The following RANBP17 variants were observed in gnomAD, a reference collection of about 807,000 sequenced individuals.
RANBP17 encodes ran-binding protein 17.
RANBP17 carries 158 observed loss-of-function variants against 141.2 expected under a neutral mutation model. The observed-to-expected ratio is 1.12, with a 90% CI of 0.98 to 1.28. RANBP17 has a LOEUF of 1.28. Among genes scored for constraint, RANBP17 ranks in the 50% most tolerant of loss-of-function variants. The pLI, the probability that RANBP17 is intolerant of heterozygous loss-of-function variation, is 0.00. For synonymous variants in RANBP17, 430 were observed against 450.0 expected (o/e 0.96, Z 0.56); for missense variants, 1,438 against 1,290.7 (o/e 1.11, Z -1.75).
chr5:171,204,363 GAAATT>G (rs1202629968), intron 19 of RANBP17, among the ~76,000 whole-genome samples: 1 of 152,116 alleles, frequency 6.6e-6, no homozygotes, highest in Non-Finnish European at 1.5e-5. Context: ...TTGCTACTTT[GAAATT>G]AAATTAATTG....
intron 14 of RANBP17, among the ~76,000 whole-genome samples, chr5:171,151,535 A>G (rs1374752064): frequency 2.0e-5 from 3 of 152,236 alleles, no homozygotes; most frequent in African/African-American, 7.2e-5. Flanking sequence ...TAGGCTTAAT[A>G]AGTTCATGAA....
intron 14 of RANBP17, among the ~76,000 whole-genome samples, chr5:171,016,802 C>T (rs943856455): frequency 1.3e-5 from 2 of 151,498 alleles, no homozygotes; most frequent in African/African-American, 4.9e-5. Context: ...AAAAAAAAAG[C>T]GGGATACACG....
At chr5:171,274,149 T>TGTGCGCGCGC (rs34291143) in intron 25 of RANBP17, among the ~76,000 whole-genome samples, 6 of 126,790 alleles carry the variant, frequency 4.7e-5, no homozygotes, top group East Asian at 2.2e-4. Flanking sequence ...TGTGTGTGTG[T>TGTGCGCGCGC]GCGCGCGCGC....
At chr5:171,198,593 AC>A (rs1561755365) in intron 18 of RANBP17, among the ~76,000 whole-genome samples, 1 of 152,080 alleles carries the variant, frequency 6.6e-6, no homozygotes, top group Non-Finnish European at 1.5e-5. Flanking sequence ...GCTGGGACCC[AC>A]CCCCAGAGTT....
At chr5:171,006,397 C>T (rs2127583845) in intron 14 of RANBP17, among the ~76,000 whole-genome samples, 1 of 152,232 alleles carries the variant, frequency 6.6e-6, no homozygotes, top group South Asian at 2.1e-4. Flanking sequence ...ACATATACAC[C>T]ATGGAATACT....
intron 14 of RANBP17, among the ~76,000 whole-genome samples, chr5:171,043,479 T>C (rs1419747305): frequency 2.0e-5 from 3 of 152,248 alleles, no homozygotes. Flanking sequence ...TGTGGACATA[T>C]GTAGGAATTT....
chr5:171,006,718 A>T (rs1779644190), intron 14 of RANBP17, among the ~76,000 whole-genome samples: 1 of 150,536 alleles, frequency 6.6e-6, no homozygotes, highest in East Asian at 2.0e-4. Flanking sequence ...CACATTGTGC[A>T]CATGTACTCT....
chr5:171,148,484 G>A (rs1038112210), intron 14 of RANBP17, among the ~76,000 whole-genome samples: 12 of 151,980 alleles, frequency 7.9e-5, no homozygotes, highest in Non-Finnish European at 1.5e-4. Context: ...TTTAAAGTAC[G>A]AATTTTTGAT....
intron 14 of RANBP17, 126 bp from the exon 15 acceptor site, chr5:171,170,004 C>T (rs1448483250): frequency 6.8e-6 from 3 of 439,738 alleles, no homozygotes; most frequent in South Asian, 8.9e-5. Flanking sequence ...CCTTTGCTCT[C>T]CCACCCACTC....
intron 14 of RANBP17, among the ~76,000 whole-genome samples, chr5:171,089,021 TGGA>T (rs1267000483): frequency 3.9e-5 from 6 of 151,932 alleles, no homozygotes; most frequent in African/African-American, 4.8e-5. Flanking sequence ...TGCGTTCCTT[TGGA>T]GGAGGAGAGG....
intron 14 of RANBP17, among the ~76,000 whole-genome samples, chr5:171,139,851 T>G (rs1051513654): frequency 2.6e-5 from 4 of 152,214 alleles, no homozygotes; most frequent in African/African-American, 9.6e-5. Flanking sequence ...AACTTTCTAT[T>G]GTTTTTAGGA....
intron 14 of RANBP17, among the ~76,000 whole-genome samples, chr5:171,151,644 G>T (rs1004397722): frequency 4.6e-5 from 7 of 152,164 alleles, no homozygotes; most frequent in African/African-American, 1.7e-4. Flanking sequence ...GTAGTTCATT[G>T]AAGCCTTAAT....
intron 6 of RANBP17, chr5:170,909,969 C>T (rs888649499): frequency 7.8e-6 from 3 of 384,796 alleles, no homozygotes; most frequent in Non-Finnish European, 1.4e-5. Context: ...AAGGTGAAAT[C>T]CAAAGGGAAT....
At chr5:170,973,858 C>A (rs1046719301) in intron 14 of RANBP17, among the ~76,000 whole-genome samples, 1 of 152,158 alleles carries the variant, frequency 6.6e-6, no homozygotes, top group Admixed American at 6.5e-5. Context: ...AAAGGGCACA[C>A]AAACTCTCTC....
chr5:171,239,829 A>G (rs1764753910), intron 22 of RANBP17, among the ~76,000 whole-genome samples: 2 of 152,182 alleles, frequency 1.3e-5, no homozygotes, highest in Non-Finnish European at 2.9e-5. Context: ...CAAACAGGAC[A>G]AGGAAGAACA....
intron 5 of RANBP17, chr5:170,897,030 A>G (rs1339294206): frequency 3.6e-5 from 37 of 1,016,988 alleles, no homozygotes; most frequent in Non-Finnish European, 5.2e-5. Flanking sequence ...TCAGCCAGAA[A>G]GGAATCTATT....
chr5:171,021,666 C>T (rs1334508268), intron 14 of RANBP17, among the ~76,000 whole-genome samples: 1 of 152,182 alleles, frequency 6.6e-6, no homozygotes, highest in Non-Finnish European at 1.5e-5. Context: ...GTTAGCAGCT[C>T]CTCTAACCTT....
chr5:170,915,502 T>G (rs1771876329), intron 8 of RANBP17, among the ~76,000 whole-genome samples: 1 of 152,152 alleles, frequency 6.6e-6, no homozygotes, highest in Admixed American at 6.6e-5. Context: ...ACTTCTGAGT[T>G]TCCTAAGGAG....
chr5:170,961,407 T>A (rs748131606), intron 13 of RANBP17, among the ~76,000 whole-genome samples: 4 of 152,230 alleles, frequency 2.6e-5, no homozygotes, highest in Non-Finnish European at 5.9e-5. Context: ...AAAAATTATT[T>A]ATCTTTTTAT....
Sources: allele counts gnomAD v4.1 joint callset (sites outside exome capture counted in the v4.1 genomes callset), GRCh38; gene constraint gnomAD v4.1.1; transcripts MANE v1.5; gene names NCBI Gene and HGNC (gene_info 2026-07-23, HGNC 2026-07-21).